GALNTL6: variants seen among roughly 807,000 people sequenced by gnomAD.
The protein encoded by GALNTL6 is polypeptide N-acetylgalactosaminyltransferase-like 6.
A neutral mutation model predicts 73.7 loss-of-function variants in GALNTL6; 46 were observed. That is an observed-to-expected ratio of 0.62 (90% CI 0.49 to 0.80). The LOEUF (loss-of-function observed/expected upper bound fraction) is 0.80. GALNTL6 is among the 30% of genes least tolerant of loss of function. GALNTL6 has a pLI of 0.00. For synonymous variants in GALNTL6, 259 were observed against 263.7 expected (o/e 0.98, Z 0.17); for missense variants, 604 against 755.0 (o/e 0.80, Z 2.34).
chr4:172,404,711 T>A (rs917903221), intron 5 of GALNTL6, among the ~76,000 whole-genome samples: 30 of 152,100 alleles, frequency 2.0e-4, no homozygotes, highest in African/African-American at 7.2e-4. Flanking sequence ...AGGCCTGCGA[T>A]TGCCTGGGCA....
At chr4:172,038,369 C>G (rs527949281) in intron 2 of GALNTL6, among the ~76,000 whole-genome samples, 1 of 152,132 alleles carries the variant, frequency 6.6e-6, no homozygotes, top group African/African-American at 2.4e-5. Context: ...TTCTTCAACG[C>G]AAGGCCAATT....
At chr4:172,957,906 C>G (rs182087990) in intron 10 of GALNTL6, among the ~76,000 whole-genome samples, 168 of 152,088 alleles carry the variant, frequency 1.1e-3, no homozygotes, top group African/African-American at 3.9e-3. Context: ...GGTGGAACTG[C>G]CATCAATAAA....
At position 172,720,345 on chromosome 4, in the gene GALNTL6, T is replaced by TG. The variant is rs138377578; in HGVS notation, c.554-89015dup. On this transcript the variant is annotated intron_variant, in intron 5 of 12. Transcript: ENST00000506823. ...GCAAGGCCAGAGTCCCCTGCTAGAG[T>TG]GCTTCCCGCCCGCCATTCAAATCCC... Among the ~76,000 whole-genome samples the TG allele has an allele frequency of 6.1e-3, 930 of 151,936 alleles. 9 individuals carry two copies. The highest frequency in any genetic ancestry group is 0.018 in the African/African-American group (728 of 41,420).
chr4:171,994,379 T>C (rs1269531039), intron 2 of GALNTL6, among the ~76,000 whole-genome samples: 1 of 152,084 alleles, frequency 6.6e-6, no homozygotes, highest in Non-Finnish European at 1.5e-5. Context: ...TTAATGGTTG[T>C]TTATTCTCAA....
chr4:172,008,086 A>G (rs1372563016), intron 2 of GALNTL6, among the ~76,000 whole-genome samples: 1 of 152,170 alleles, frequency 6.6e-6, no homozygotes, highest in Non-Finnish European at 1.5e-5. Context: ...TGTTTCTACT[A>G]AAGAGAATCA....
At chr4:172,035,086 G>A (rs919770087) in intron 2 of GALNTL6, among the ~76,000 whole-genome samples, 2 of 152,052 alleles carry the variant, frequency 1.3e-5, no homozygotes, top group African/African-American at 2.4e-5. Context: ...GACTTTTAGT[G>A]TGTCTATGGC....
At chr4:172,856,896 A>C (rs1744151115) in intron 7 of GALNTL6, among the ~76,000 whole-genome samples, 1 of 152,228 alleles carries the variant, frequency 6.6e-6, no homozygotes, top group South Asian at 2.1e-4. Context: ...ATTACCCTCC[A>C]TAATAGTGTA....
chr4:172,458,701 C>A lies in GALNTL6; in HGVS notation c.553+110012C>A, dbSNP rs537855904. 1.8e-3 allele frequency among the ~76,000 whole-genome samples: 276 copies of A among 151,730 alleles called. 2 individuals carry two copies. Among genetic ancestry groups the A allele is most frequent in the Non-Finnish European group, 3.3e-3 (224 of 67,666 alleles). On this transcript the variant is annotated intron_variant, in intron 5 of 12. Transcript: ENST00000506823. ...AGCCAAATCCTTGAATAGACAAGTT[C>A]TGAAATTGAGGCAGTAATTAATAGC...
At chr4:171,923,679 T>C (rs551323509) in intron 2 of GALNTL6, among the ~76,000 whole-genome samples, 1 of 151,866 alleles carries the variant, frequency 6.6e-6, no homozygotes, top group South Asian at 2.1e-4. Context: ...GTGCTGGGAT[T>C]ACAGGTGTGG....
chr4:172,400,049 T>TA (rs1387919078), intron 5 of GALNTL6, among the ~76,000 whole-genome samples: 1 of 152,128 alleles, frequency 6.6e-6, no homozygotes, highest in African/African-American at 2.4e-5. Context: ...AAAACACCCT[T>TA]ACACCAGATT....
intron 2 of GALNTL6, among the ~76,000 whole-genome samples, chr4:172,079,666 T>C (rs2110918337): frequency 6.6e-6 from 1 of 152,204 alleles, no homozygotes; most frequent in East Asian, 1.9e-4. Context: ...TGCTCAGTAG[T>C]GCCTCTTTTG....
chr4:171,928,930 A>G (rs1458238885), intron 2 of GALNTL6, among the ~76,000 whole-genome samples: 1 of 152,222 alleles, frequency 6.6e-6, no homozygotes, highest in Non-Finnish European at 1.5e-5. Flanking sequence ...ATGTATTCCC[A>G]TTAAGTGACA....
At chr4:172,854,941 A>T (rs1416833314) in intron 7 of GALNTL6, among the ~76,000 whole-genome samples, 2 of 152,228 alleles carry the variant, frequency 1.3e-5, no homozygotes, top group African/African-American at 4.8e-5. Flanking sequence ...GTGGCAAAAT[A>T]ACAGTAGGTG....
intron 5 of GALNTL6, among the ~76,000 whole-genome samples, chr4:172,524,119 TATAA>T (rs1328083409): frequency 5.3e-5 from 8 of 152,336 alleles, no homozygotes; most frequent in Non-Finnish European, 7.4e-5. Flanking sequence ...TAAAACTTTA[TATAA>T]ATGAAGTTCA....
At chr4:171,890,477 CCTAT>C (rs1251913335) in intron 2 of GALNTL6, among the ~76,000 whole-genome samples, 4 of 151,950 alleles carry the variant, frequency 2.6e-5, no homozygotes, top group Admixed American at 1.3e-4. Flanking sequence ...TTTTAATTTC[CCTAT>C]CTGTTTATAG....
intron 2 of GALNTL6, among the ~76,000 whole-genome samples, chr4:171,829,325 GC>G (rs1224942957): frequency 6.6e-6 from 1 of 152,154 alleles, no homozygotes; most frequent in East Asian, 1.9e-4. Flanking sequence ...CACCCTCACA[GC>G]AGCCAGAGCT....
intron 2 of GALNTL6, among the ~76,000 whole-genome samples, chr4:172,046,525 G>C (rs1398788460): frequency 6.6e-6 from 1 of 151,974 alleles, no homozygotes; most frequent in Admixed American, 6.6e-5. Flanking sequence ...GCATTTCACT[G>C]ACCCTTGTTA....
Position 173,003,445 on chromosome 4 carries a change from C to A in GALNTL6, c.1372-5733C>A, listed in dbSNP as rs192783047. Among the ~76,000 whole-genome samples the A allele has an allele frequency of 2.3e-3, 355 of 152,304 alleles. 1 individual carries two copies. The highest frequency in any genetic ancestry group is 3.2e-3 in the Non-Finnish European group (216 of 68,032). On this transcript the variant is annotated intron_variant, in intron 10 of 12. Transcript: ENST00000506823. ...CTTCGACTTAAGTGCCGTGAGCAAT[C>A]CCATGATACAATAGAAATGTGATTT...
intron 2 of GALNTL6, among the ~76,000 whole-genome samples, chr4:172,108,604 C>T (rs1732755997): frequency 6.6e-6 from 1 of 152,154 alleles, no homozygotes; most frequent in Non-Finnish European, 1.5e-5. Flanking sequence ...CGGAAACACC[C>T]TCACAGATAT....
Sources: gnomAD v4.1 joint callset for allele counts (sites outside exome capture counted in the v4.1 genomes callset) on GRCh38, gnomAD v4.1.1 for gene constraint, MANE v1.5 for transcripts, NCBI Gene and HGNC (gene_info 2026-07-23, HGNC 2026-07-21) for gene names.